The following OPCML variants were observed in gnomAD, a reference collection of about 807,000 sequenced individuals.
OPCML encodes the protein opioid-binding protein/cell adhesion molecule.
OPCML carries 13 observed loss-of-function variants against 37.8 expected under a neutral mutation model. The ratio of observed to expected loss-of-function variants is 0.34; its 90% CI spans 0.22 to 0.55. The LOEUF (loss-of-function observed/expected upper bound fraction) is 0.55, where lower values mean the gene tolerates loss of function less well. Ranked by LOEUF, OPCML falls within the 20% of genes least tolerant of loss-of-function variation. OPCML has a pLI of 0.91. For missense variants in OPCML, 341 were observed against 435.6 expected (o/e 0.78, Z 1.93); for synonymous variants, 176 against 168.8 (o/e 1.04, Z -0.33).
chr11:133,167,987 T>C (rs1213670951), intron 1 of OPCML, among the ~76,000 whole-genome samples: 2 of 152,226 alleles, frequency 1.3e-5, no homozygotes, highest in Non-Finnish European at 1.5e-5. Context: ...GGTGTTAGGT[T>C]CATTTATCTT....
At chr11:132,481,425 C>T (rs1357289094) in intron 4 of OPCML, among the ~76,000 whole-genome samples, 1 of 151,086 alleles carries the variant, frequency 6.6e-6, no homozygotes, top group Non-Finnish European at 1.5e-5. Flanking sequence ...AAAGCAAGTC[C>T]TGAGTGACCT....
chr11:133,518,503 G>T (rs1948333158), intron 1 of OPCML, among the ~76,000 whole-genome samples: 1 of 152,058 alleles, frequency 6.6e-6, no homozygotes. Context: ...GTGTGTGCGG[G>T]TGTGGGTGTG....
intron 1 of OPCML, among the ~76,000 whole-genome samples, chr11:133,480,404 C>T (rs1225340572): frequency 6.6e-6 from 1 of 152,216 alleles, no homozygotes; most frequent in Admixed American, 6.5e-5. Context: ...ATCCCACTGC[C>T]TTCTGCTTTT....
chr11:132,747,305 T>C (rs1201143416), intron 2 of OPCML, among the ~76,000 whole-genome samples: 2 of 152,084 alleles, frequency 1.3e-5, no homozygotes, highest in African/African-American at 2.4e-5. Flanking sequence ...GTGAAAGTCA[T>C]GAACAACCGT....
At chr11:132,766,002 C>T (rs958721381) in intron 2 of OPCML, among the ~76,000 whole-genome samples, 2 of 151,962 alleles carry the variant, frequency 1.3e-5, no homozygotes, top group South Asian at 4.1e-4. Flanking sequence ...GGGACACTAT[C>T]TGGCCAAATC....
intron 4 of OPCML, among the ~76,000 whole-genome samples, chr11:132,498,313 G>T (rs960837292): frequency 6.6e-6 from 1 of 152,128 alleles, no homozygotes; most frequent in Admixed American, 6.5e-5. Context: ...AAAGGCCATT[G>T]GTCATCTGTT....
At chr11:132,959,537 G>A (rs74739178) in intron 1 of OPCML, among the ~76,000 whole-genome samples, 5,577 of 152,236 alleles carry the variant, frequency 0.037, 154 homozygotes, top group Non-Finnish European at 0.056. Flanking sequence ...GCAATCTTTC[G>A]GGAAGGGAAG....
At chr11:133,524,799 C>T (rs1342460510) in intron 1 of OPCML, among the ~76,000 whole-genome samples, 1 of 152,220 alleles carries the variant, frequency 6.6e-6, no homozygotes, top group Non-Finnish European at 1.5e-5. Context: ...CTCTCAGAAG[C>T]AAGGCACATC....
intron 1 of OPCML, among the ~76,000 whole-genome samples, chr11:133,202,478 C>T (rs907060968): frequency 2.0e-5 from 3 of 152,264 alleles, no homozygotes; most frequent in South Asian, 2.1e-4. Flanking sequence ...ACTATTCAAC[C>T]GTCATATATC....
intron 2 of OPCML, among the ~76,000 whole-genome samples, chr11:132,771,399 T>C (rs1040379692): frequency 2.0e-5 from 3 of 152,074 alleles, no homozygotes; most frequent in Non-Finnish European, 2.9e-5. Flanking sequence ...CTGTAATAAA[T>C]CAATTAGCCG....
intron 3 of OPCML, among the ~76,000 whole-genome samples, chr11:132,612,910 C>A (rs530013927): frequency 6.6e-6 from 1 of 152,140 alleles, no homozygotes; most frequent in African/African-American, 2.4e-5. Flanking sequence ...GGCTTCTCAT[C>A]AGATTCAAGG....
intron 3 of OPCML, among the ~76,000 whole-genome samples, chr11:132,535,531 G>A (rs539909147): frequency 3.3e-5 from 5 of 152,228 alleles, no homozygotes; most frequent in East Asian, 1.9e-4. Context: ...ATGATACCTC[G>A]TATGTGATGG....
intron 1 of OPCML, among the ~76,000 whole-genome samples, chr11:133,485,805 C>T (rs1947513735): frequency 6.6e-6 from 1 of 152,192 alleles, no homozygotes. Flanking sequence ...TTTGAGTTGC[C>T]TGGCATGCAC....
intron 4 of OPCML, among the ~76,000 whole-genome samples, chr11:132,514,272 GCATGCAAAAAAT>G (rs1206806055): frequency 6.6e-6 from 1 of 152,184 alleles, no homozygotes; most frequent in African/African-American, 2.4e-5. Context: ...TATAGTCAAA[GCATGCAAAAAAT>G]CAGAAGTTGA....
At chr11:132,516,294 G>C (rs536363231) in intron 4 of OPCML, among the ~76,000 whole-genome samples, 1 of 152,152 alleles carries the variant, frequency 6.6e-6, no homozygotes, top group African/African-American at 2.4e-5. Flanking sequence ...AATACAGCTA[G>C]GACTTGAAGT....
chr11:133,251,832 C>CAGAGAGGAAGGGTAGGAAA (rs1941144923), intron 1 of OPCML, among the ~76,000 whole-genome samples: 1 of 152,068 alleles, frequency 6.6e-6, no homozygotes, highest in African/African-American at 2.4e-5. Flanking sequence ...CTTGGTTGCC[C>CAGAGAGGAAGGGTAGGAAA]AGAGAGGAAG....
chr11:132,747,267 A>C (rs1945664147), intron 2 of OPCML, among the ~76,000 whole-genome samples: 1 of 152,142 alleles, frequency 6.6e-6, no homozygotes, highest in Non-Finnish European at 1.5e-5. Flanking sequence ...AGAGGCAGAA[A>C]AGCAGCTAAG....
chr11:132,487,271 A>T (rs757378707), intron 4 of OPCML, among the ~76,000 whole-genome samples: 2 of 152,162 alleles, frequency 1.3e-5, no homozygotes, highest in Non-Finnish European at 2.9e-5. Flanking sequence ...TGTGCCCATG[A>T]CGGGCAACGT....
chr11:132,429,569 C>T (rs1433123313), intron 7 of OPCML, among the ~76,000 whole-genome samples: 1 of 152,056 alleles, frequency 6.6e-6, no homozygotes, highest in African/African-American at 2.4e-5. Context: ...AGAAGGGCTG[C>T]CTTTGAGACC....
Sources: allele counts gnomAD v4.1 joint callset (sites outside exome capture counted in the v4.1 genomes callset), GRCh38; gene constraint gnomAD v4.1.1; transcripts MANE v1.5; gene names NCBI Gene and HGNC (gene_info 2026-07-23, HGNC 2026-07-21).